Variants in PIP observed in about 807,000 individuals in gnomAD.
The protein encoded by PIP is prolactin-inducible protein.
A neutral mutation model predicts 12.8 loss-of-function variants in PIP; 9 were observed. The ratio of observed to expected loss-of-function variants is 0.70; its 90% confidence interval spans 0.42 to 1.23. PIP has a LOEUF of 1.23. PIP is among the 50% of genes most tolerant of loss of function. PIP has a pLI of 0.00. For synonymous variants in PIP, 60 were observed against 66.1 expected (o/e 0.91, Z 0.45); for missense variants, 172 against 179.5 (o/e 0.96, Z 0.24).
chr7:143,136,855 C>T (rs1005312337), intron 2 of PIP, among the ~76,000 whole-genome samples: 5 of 151,828 alleles, frequency 3.3e-5, no homozygotes, highest in African/African-American at 1.2e-4. Flanking sequence ...AATCTTTAGA[C>T]TAACTGACTT....
At position 143,139,168 on chromosome 7, in the gene PIP, T is replaced by C. The variant is rs778821799; in HGVS notation, c.295T>C (p.Tyr99His). 1.9e-6 allele frequency: 3 copies of C among 1,585,992 alleles called. No homozygotes were observed. Among genetic ancestry groups the C allele is most frequent in the Non-Finnish European group, 2.6e-6 (3 of 1,153,992 alleles). ...CLCDDNPKTF[Y>H]WDFYTNRTVQ... ...ATGTGACGACAATCCAAAAACCTTCTACTGGGACTTTTACACCAACAGTAA... is the reference window on the plus strand; with the variant it reads ...ATGTGACGACAATCCAAAAACCTTCCACTGGGACTTTTACACCAACAGTAA... Residue 99 changes from tyrosine to histidine, a missense_variant, in exon 3 of 4, where the codon TAC (tyrosine) becomes CAC (histidine). By Grantham distance (83) the Tyr-to-His change is moderately conservative (BLOSUM62 2). Transcript: ENST00000291009.
Position 143,139,619 on chromosome 7 carries a change from A to G in PIP, c.418A>G (p.Ile140Val). The change falls in exon 4 of 4, where the codon ATT becomes GTT. Residue 140 changes from isoleucine (I) to valine (V), a missense_variant. Physicochemically the swap from Ile to Val is conservative, Grantham distance 29 (BLOSUM62 3). Transcript: ENST00000291009. ...CATCAAAAACAACCGGTTTTATACT[A>G]TTGAAATCCTAAAGGTAGAATAATG... ...IPIKNNRFYTIEILKVE is the reference protein window; with the variant it reads ...IPIKNNRFYTVEILKVE 1 of 1,612,128 alleles carries G rather than the reference A, an allele frequency of 6.2e-7. No individual in the cohort carries two copies. Among genetic ancestry groups the G allele is most frequent in the Non-Finnish European group, 8.5e-7 (1 of 1,178,302 alleles).
chr7:143,138,363 T>A (rs1026285204), intron 2 of PIP, among the ~76,000 whole-genome samples: 1 of 152,048 alleles, frequency 6.6e-6, no homozygotes, highest in Admixed American at 6.6e-5. Context: ...TATCCACAGA[T>A]CCCTCTGGGT....
At chr7:143,138,073 G>A (rs912411925) in intron 2 of PIP, among the ~76,000 whole-genome samples, 12 of 152,040 alleles carry the variant, frequency 7.9e-5, no homozygotes, top group Non-Finnish European at 1.3e-4. Context: ...AGCTGCAGGA[G>A]GTGGGCAGAA....
intron 1 of PIP, among the ~76,000 whole-genome samples, chr7:143,132,430 G>A (rs927945707): frequency 5.3e-5 from 8 of 152,066 alleles, no homozygotes; most frequent in African/African-American, 1.9e-4. Flanking sequence ...CATTGCCAGT[G>A]GAAATAAAGC....
At chr7:143,139,400 C>T in intron 3 of PIP, 118 bp from the exon 4 acceptor site, 1 of 1,357,072 alleles carries the variant, frequency 7.4e-7, no homozygotes, top group Non-Finnish European at 1.0e-6. Context: ...ATACAGGAGA[C>T]AAATTTGCAA....
chr7:143,139,381 A>C, intron 3 of PIP, 137 bp from the exon 4 acceptor site: 1 of 1,158,746 alleles, frequency 8.6e-7, no homozygotes, highest in Non-Finnish European at 1.2e-6. Flanking sequence ...CATTGAGTGC[A>C]AAAAGTTGAT....
In PIP at chr7:143,139,532, G is replaced by A; in HGVS notation, c.331G>A (p.Ala111Thr). 1 of 1,613,434 alleles carries A rather than the reference G, an allele frequency of 6.2e-7. No individual in the cohort carries two copies. The highest frequency in any genetic ancestry group is 8.5e-7 in the Non-Finnish European group (1 of 1,179,404). ...DFYTNRTVQI[A>T]AVVDVIRELG... Reference sequence around the variant, plus strand: ...GTCTTTTTCAGGAACTGTGCAAATTGCAGCCGTCGTTGATGTTATTCGGGA... The same window carrying A: ...GTCTTTTTCAGGAACTGTGCAAATTACAGCCGTCGTTGATGTTATTCGGGA... The change falls in exon 4 of 4, where the codon GCA becomes ACA. Residue 111 changes from alanine to threonine, a missense_variant. Coordinates refer to ENST00000291009, the MANE Select transcript of PIP (RefSeq NM_002652.3).
Position 143,134,085 on chromosome 7 carries a change from T to G in PIP, c.96-1109T>G, listed in dbSNP as rs1447375820. 1.3e-5 allele frequency among the ~76,000 whole-genome samples: 2 copies of G among 150,280 alleles called. 1 individual carries two copies. The highest frequency in any genetic ancestry group is 4.9e-5 in the African/African-American group (2 of 40,950). ...CATACGATGTTTGGTTTTCCATTAC[T>G]GAGTTACTTCACTTAGAATAATAGT... On this transcript the variant is annotated intron_variant, in intron 1 of 3. Transcript: ENST00000291009.
chr7:143,139,679 C>A lies in PIP; in HGVS notation c.*37C>A. On this transcript the variant is annotated 3_prime_UTR_variant, in exon 4 of 4. Coordinates refer to ENST00000291009, the MANE Select transcript of PIP (RefSeq NM_002652.3). ...TCTGTTTGCCACACCCAGGTGATTT[C>A]CTCTAAAGAAACTTGGCTGGAATTT... 1 of 1,575,076 alleles carries A rather than the reference C, an allele frequency of 6.3e-7. No individual in the cohort carries two copies. The highest frequency in any genetic ancestry group is 1.1e-5 in the South Asian group (1 of 88,572).
chr7:143,139,464 G>A (rs1799345880), intron 3 of PIP, 54 bp from the exon 4 acceptor site: 2 of 1,599,742 alleles, frequency 1.3e-6, no homozygotes, highest in Admixed American at 3.4e-5. Flanking sequence ...GAGTAGAAAA[G>A]ACAGGACATG....
intron 1 of PIP, among the ~76,000 whole-genome samples, chr7:143,134,899 T>C (rs1799290062): frequency 6.6e-6 from 1 of 152,110 alleles, no homozygotes; most frequent in African/African-American, 2.4e-5. Flanking sequence ...CTTCTTTTCC[T>C]CTGGGTAGAT....
Position 143,135,240 on chromosome 7 carries a change from C to T in PIP, c.142C>T (p.Pro48Ser). 1 of 1,602,880 alleles carries T rather than the reference C, an allele frequency of 6.2e-7. No individual in the cohort carries two copies. Among genetic ancestry groups the T allele is most frequent in the Non-Finnish European group, 8.5e-7 (1 of 1,169,976 alleles). ...TTTTGACATTCCCAAGTCAGTACGT[C>T]CAAATGACGAAGTCACTGCAGTGCT... ...KNFDIPKSVR[P>S]NDEVTAVLAV... is the part of the protein sequence containing the mutation. The change falls in exon 2 of 4, where the codon CCA becomes TCA. Residue 48 changes from proline to serine, a missense_variant. Transcript: ENST00000291009.
At chr7:143,134,222 ATATATATAT>A (rs1799277957) in intron 1 of PIP, among the ~76,000 whole-genome samples, 4 of 105,126 alleles carry the variant, frequency 3.8e-5, no homozygotes, top group Admixed American at 1.9e-4. Flanking sequence ...ATATATATAT[ATATATATAT>A]ATACCACAGT....
At position 143,132,158 on chromosome 7, in the gene PIP, C is replaced by T; in HGVS notation, c.42C>T (p.Thr14=). 1 of 1,612,230 alleles carries T rather than the reference C, an allele frequency of 6.2e-7. No individual in the cohort carries two copies. The highest frequency in any genetic ancestry group is 8.5e-7 in the Non-Finnish European group (1 of 1,178,284). ...LQLLFRASPA[T]LLLVLCLQLG... is the part of the protein sequence containing the mutation. Reference sequence around the variant, plus strand: ...TCCTGTTCAGGGCCAGCCCTGCCACCCTGCTCCTGGTTCTCTGCCTGCAGT... The same window carrying T: ...TCCTGTTCAGGGCCAGCCCTGCCACTCTGCTCCTGGTTCTCTGCCTGCAGT... Residue 14 remains threonine, a synonymous_variant, in exon 1 of 4, where the codon ACC becomes ACT. Coordinates refer to ENST00000291009, the MANE Select transcript of PIP (RefSeq NM_002652.3).
intron 2 of PIP, among the ~76,000 whole-genome samples, chr7:143,137,090 TTTAGAA>T (rs1799317354): frequency 6.6e-6 from 1 of 151,986 alleles, no homozygotes; most frequent in Non-Finnish European, 1.5e-5. Flanking sequence ...ATTTATTTAT[TTTAGAA>T]TTAGAATAGA....
chr7:143,132,220 T>C lies in PIP; in HGVS notation c.95+9T>C, dbSNP rs964683629. 1 of 1,613,108 alleles carries C rather than the reference T, an allele frequency of 6.2e-7. No individual in the cohort carries two copies. The highest frequency in any genetic ancestry group is 1.1e-5 in the South Asian group (1 of 91,062). ...AAAGCTCAGGACAACACGTGAGCCA[T>C]GCCCTTCTCCTCCCCACAAAAAAAA... On this transcript the variant is annotated intron_variant, in intron 1 of 3. Transcript: ENST00000291009.
intron 3 of PIP, 94 bp downstream of exon 3, chr7:143,139,283 C>T (rs566597547): frequency 4.5e-6 from 4 of 884,370 alleles, no homozygotes; most frequent in Admixed American, 3.5e-5. Flanking sequence ...CGAGCAGGAC[C>T]AGGACCTCAG....
At chr7:143,134,206 AT>A (rs1799276254) in intron 1 of PIP, among the ~76,000 whole-genome samples, 1 of 120,964 alleles carries the variant, frequency 8.3e-6, no homozygotes, top group African/African-American at 3.3e-5. Context: ...ATATATATAT[AT>A]ATATATATAT....
Sources: gnomAD v4.1 joint callset for allele counts (sites outside exome capture counted in the v4.1 genomes callset) on GRCh38, gnomAD v4.1.1 for gene constraint, MANE v1.5 for transcripts, NCBI Gene and HGNC (gene_info 2026-07-23, HGNC 2026-07-21) for gene names.